Variants in BCL2L12 observed in about 807,000 individuals in gnomAD.
BCL2L12 encodes bcl-2-like protein 12.
A neutral mutation model predicts 25.7 loss-of-function variants in BCL2L12; 27 were observed. The ratio of observed to expected loss-of-function variants is 1.05; its 90% CI spans 0.78 to 1.45. The LOEUF (loss-of-function observed/expected upper bound fraction) is 1.45, where lower values mean the gene tolerates loss of function less well. Ranked by LOEUF, BCL2L12 falls within the 40% of genes most tolerant of loss-of-function variation. The pLI is 0.00. For missense variants in BCL2L12, 302 were observed against 329.8 expected (o/e 0.92, Z 0.65); for synonymous variants, 132 against 145.6 (o/e 0.91, Z 0.67).
At chr19:49,667,999 C>T (rs2081858477) in intron 3 of BCL2L12, among the ~76,000 whole-genome samples, 1 of 151,948 alleles carries the variant, frequency 6.6e-6, no homozygotes, top group Admixed American at 6.6e-5. Flanking sequence ...AGGCTGGCCT[C>T]AAACTCCTGG....
chr19:49,670,190 C>A (rs1417288424), intron 5 of BCL2L12, 26 bp from the exon 6 acceptor site: 13 of 1,593,618 alleles, frequency 8.2e-6, no homozygotes, highest in Non-Finnish European at 1.1e-5. Flanking sequence ...GCTGCTGACG[C>A]GGACCCTGCC....
Position 49,670,452 on chromosome 19 carries a change from C to G in BCL2L12, c.666C>G (p.His222Gln), listed in dbSNP as rs1192053739. ...TLAGLSVEHV[H>Q]SFTPWIQAHG... Reference sequence around the variant, plus strand: ...CCGGACTCAGCGTGGAGCACGTGCACAGCTTCACGCCCTGGATCCAGGCCC... The same window carrying G: ...CCGGACTCAGCGTGGAGCACGTGCAGAGCTTCACGCCCTGGATCCAGGCCC... Residue 222 changes from histidine (H) to glutamine (Q), a missense_variant, in exon 6 of 7, where the codon CAC (histidine) becomes CAG (glutamine). His to Gln is a conservative substitution (Grantham distance 24). Transcript: ENST00000246784. 3.3e-6 allele frequency: 5 copies of G among 1,536,610 alleles called. No individual in the cohort carries two copies. Among genetic ancestry groups the G allele is most frequent in the Non-Finnish European group, 1.7e-6 (2 of 1,144,960 alleles).
chr19:49,666,713 G>T lies in BCL2L12; in HGVS notation c.21G>T (p.Leu7=), dbSNP rs750474242. The T allele has an allele frequency of 9.0e-6, 14 of 1,554,600 alleles. No homozygotes were observed. In the South Asian group the frequency reaches 1.7e-4, roughly 18 times the overall value. Residue 7 remains leucine (L), a synonymous_variant, in exon 2 of 7, where the codon CTG becomes CTT. Transcript: ENST00000246784. ...CCTCCATGGCAGGCTCTGAAGAGCT[G>T]GGGCTCCGGGAAGACACGCTGAGGG... is the stretch of plus-strand genomic sequence containing the variant. MAGSEE[L]GLREDTLRVL... is the part of the protein sequence containing the mutation.
intron 6 of BCL2L12, among the ~76,000 whole-genome samples, chr19:49,673,487 G>A (rs751814587): frequency 5.9e-5 from 9 of 151,834 alleles, no homozygotes; most frequent in Non-Finnish European, 7.4e-5. Context: ...GACCCTCCTC[G>A]AGCTCAACCT....
rs971958520 is a variant in BCL2L12, at chr19:49,666,058, C to T, written c.-18C>T. 1.6e-5 allele frequency: 25 copies of T among 1,552,438 alleles called. No individual in the cohort carries two copies. In the Admixed American group the frequency reaches 2.7e-4, roughly 17 times the overall value. On this transcript the variant is annotated 5_prime_UTR_variant, in exon 1 of 7. Coordinates refer to ENST00000246784, the MANE Select transcript of BCL2L12 (RefSeq NM_138639.2). ...TGAGTGGAGGAGGCGGCGGTGGGGC[C>T]CCGGACCAGGTCAGCGGGGTGTTGA... is the stretch of plus-strand genomic sequence containing the variant.
In BCL2L12 at chr19:49,670,470, C is replaced by T. The variant is rs998562603; in HGVS notation, c.684C>T (p.Ile228=). ...VEHVHSFTPW[I]QAHGGWEGIL... ...ACGTGCACAGCTTCACGCCCTGGAT[C>T]CAGGCCCACGGGGGCTGGGTGAGCC... is the stretch of plus-strand genomic sequence containing the variant. Residue 228 remains isoleucine, a synonymous_variant, in exon 6 of 7, where the codon ATC becomes ATT. Coordinates refer to ENST00000246784, the MANE Select transcript of BCL2L12 (RefSeq NM_138639.2). 3 of 1,536,236 alleles carry T rather than the reference C, an allele frequency of 2.0e-6. No homozygotes were observed. The highest frequency in any genetic ancestry group is 2.8e-5 in the African/African-American group (2 of 71,676).
In BCL2L12 at chr19:49,669,098, G is replaced by A. The variant is rs1310970396; in HGVS notation, c.412G>A (p.Glu138Lys). ...GGTGGCCCTGCTGGAGGAGGAGGCA[G>A]AAGTCATTAACCAGAAGGTGATGGG... ...RLVALLEEEA[E>K]VINQKLASDP... The change falls in exon 5 of 7, where the codon GAA becomes AAA. Residue 138 changes from glutamate to lysine, a missense_variant. Transcript: ENST00000246784. 2.5e-6 allele frequency: 4 copies of A among 1,613,964 alleles called. No individual in the cohort carries two copies. The African/African-American group carries it at 5.3e-5, about 22-fold the overall frequency.
upstream of BCL2L12, chr19:49,665,645 C>A (rs187554099): frequency 1.3e-6 from 1 of 751,510 alleles, no homozygotes; most frequent in African/African-American, 1.8e-5. Context: ...GATGGAAGGT[C>A]GGGGCGTGCG....
In BCL2L12 at chr19:49,670,442, A is replaced by C; in HGVS notation, c.656A>C (p.Glu219Ala). The change falls in exon 6 of 7, where the codon GAG (glutamate) becomes GCG (alanine). Residue 219 changes from glutamate to alanine, a missense_variant. Glu to Ala is a moderately radical substitution (Grantham distance 107). Coordinates refer to ENST00000246784, the MANE Select transcript of BCL2L12 (RefSeq NM_138639.2). Reference sequence around the variant, plus strand: ...GGCACCCTGGCCGGACTCAGCGTGGAGCACGTGCACAGCTTCACGCCCTGG... The same window carrying C: ...GGCACCCTGGCCGGACTCAGCGTGGCGCACGTGCACAGCTTCACGCCCTGG... ...LGGTLAGLSV[E>A]HVHSFTPWIQ... 1 of 1,538,940 alleles carries C rather than the reference A, an allele frequency of 6.5e-7. No individual in the cohort carries two copies. The highest frequency in any genetic ancestry group is 8.7e-7 in the Non-Finnish European group (1 of 1,146,010).
chr19:49,667,283 G>T, intron 3 of BCL2L12, 122 bp downstream of exon 3: 2 of 1,366,272 alleles, frequency 1.5e-6, no homozygotes, highest in Non-Finnish European at 2.0e-6. Context: ...GGACAGAACC[G>T]TCCTGTCCTC....
rs768453156 is a variant in BCL2L12 at position 49,666,049 on chromosome 19, CG to C, written c.-25del. On this transcript the variant is annotated 5_prime_UTR_variant, in exon 1 of 7. Transcript: ENST00000246784. ...ACCGCAAGTTGAGTGGAGGAGGCGGCGGTGGGGCCCCGGACCAGGTCAGCGG... is the reference window on the plus strand; with the variant it reads ...ACCGCAAGTTGAGTGGAGGAGGCGGCGTGGGGCCCCGGACCAGGTCAGCGG... The C allele has an allele frequency of 1.1e-4, 171 of 1,540,576 alleles. No individual in the cohort carries two copies. The highest frequency in any genetic ancestry group is 1.3e-4 in the Non-Finnish European group (152 of 1,139,290).
intron 3 of BCL2L12, among the ~76,000 whole-genome samples, chr19:49,668,287 T>A (rs1423004365): frequency 6.6e-6 from 1 of 151,562 alleles, no homozygotes; most frequent in Non-Finnish European, 1.5e-5. Context: ...TTAGTAGAGA[T>A]GGGGTTTCTC....
In BCL2L12 at chr19:49,666,041, G is replaced by C. The variant is rs2081733319; in HGVS notation, c.-35G>C. The stretch of plus-strand genomic sequence containing the variant: ...TGGAGGAGACCGCAAGTTGAGTGGA[G>C]GAGGCGGCGGTGGGGCCCCGGACCA... On this transcript the variant is annotated 5_prime_UTR_variant, in exon 1 of 7. Coordinates refer to ENST00000246784, the MANE Select transcript of BCL2L12 (RefSeq NM_138639.2). The C allele has an allele frequency of 1.3e-6, 2 of 1,561,692 alleles. No homozygotes were observed. Among genetic ancestry groups the C allele is most frequent in the Non-Finnish European group, 1.7e-6 (2 of 1,151,214 alleles).
At chr19:49,670,081 G>T in intron 5 of BCL2L12, 135 bp from the exon 6 acceptor site, 1 of 1,227,048 alleles carries the variant, frequency 8.1e-7, no homozygotes, top group Non-Finnish European at 1.1e-6. Flanking sequence ...GGCTTGATTG[G>T]CTAATATGGA....
Position 49,673,796 on chromosome 19 carries a change from T to A in BCL2L12, c.*48T>A. ...AAGATGACACCTCATGTCCCTGCCC[T>A]CTTCGTGTGCTTTTCCAAGTCTTCC... On this transcript the variant is annotated 3_prime_UTR_variant, in exon 7 of 7. Transcript: ENST00000246784. The A allele has an allele frequency of 6.2e-7, 1 of 1,603,944 alleles. No individual in the cohort carries two copies. Among genetic ancestry groups the A allele is most frequent in the Non-Finnish European group, 8.5e-7 (1 of 1,171,274 alleles).
upstream of BCL2L12, chr19:49,665,678 C>T (rs1187641982): frequency 7.8e-6 from 9 of 1,149,710 alleles, no homozygotes; most frequent in East Asian, 2.4e-5. Flanking sequence ...CCACCCCTGT[C>T]TTGGAGCTCC....
upstream of BCL2L12, chr19:49,665,626 G>A (rs921958033): frequency 1.5e-6 from 1 of 656,082 alleles, no homozygotes; most frequent in Non-Finnish European, 2.5e-6. Flanking sequence ...GCTCTTCCGC[G>A]TTACCTACGA....
chr19:49,671,629 C>A (rs1395595532), intron 6 of BCL2L12, among the ~76,000 whole-genome samples: 1 of 152,016 alleles, frequency 6.6e-6, no homozygotes, highest in Non-Finnish European at 1.5e-5. Flanking sequence ...CAGAGTGGGA[C>A]CCTGTCTCAA....
At chr19:49,671,331 C>T (rs976707614) in intron 6 of BCL2L12, among the ~76,000 whole-genome samples, 1 of 149,792 alleles carries the variant, frequency 6.7e-6, no homozygotes, top group African/African-American at 2.5e-5. Context: ...TGCCTGTAAT[C>T]CCAGCTAGGG....
Sources: allele counts gnomAD v4.1 joint callset (sites outside exome capture counted in the v4.1 genomes callset), GRCh38; gene constraint gnomAD v4.1.1; transcripts MANE v1.5; gene names NCBI Gene and HGNC (gene_info 2026-07-23, HGNC 2026-07-21).